DLG2: variants seen among roughly 807,000 people sequenced by gnomAD.
DLG2 encodes the protein disks large homolog 2.
A neutral mutation model predicts 132.5 loss-of-function variants in DLG2; 45 were observed. That is an observed-to-expected ratio of 0.34 (90% CI 0.27 to 0.44). DLG2 has a LOEUF of 0.44. Among genes scored for constraint, DLG2 ranks in the 20% least tolerant of loss-of-function variants. The pLI, the probability that DLG2 is intolerant of heterozygous loss-of-function variation, is 1.00. For synonymous variants in DLG2, 424 were observed against 419.6 expected (o/e 1.01, Z -0.13); for missense variants, 1,045 against 1,196.9 (o/e 0.87, Z 1.87).
intron 17 of DLG2, among the ~76,000 whole-genome samples, chr11:83,787,174 A>G (rs796491569): frequency 1.3e-5 from 2 of 152,092 alleles, no homozygotes; most frequent in African/African-American, 4.8e-5. Context: ...ATAGACAAAT[A>G]TATGCTAAAA....
At chr11:85,128,738 T>G (rs193002690) in intron 5 of DLG2, among the ~76,000 whole-genome samples, 106 of 152,322 alleles carry the variant, frequency 7.0e-4, no homozygotes, top group African/African-American at 2.5e-3. Context: ...ACTCAAAACA[T>G]ACGTAGGGAA....
At chr11:83,857,699 T>G (rs1317112216) in intron 16 of DLG2, among the ~76,000 whole-genome samples, 1 of 152,198 alleles carries the variant, frequency 6.6e-6, no homozygotes, top group Non-Finnish European at 1.5e-5. Context: ...TAATGATGTA[T>G]CAATGTAGCA....
chr11:85,020,903 C>A, intron 6 of DLG2: 1 of 769,024 alleles, frequency 1.3e-6, no homozygotes. Context: ...GTGCATCCCC[C>A]TCCTCAGCAG....
intron 7 of DLG2, among the ~76,000 whole-genome samples, chr11:84,252,140 C>CTTTTTTTTTTTTTTTTTTT (rs1176873990): frequency 7.7e-5 from 5 of 65,340 alleles, no homozygotes; most frequent in Admixed American, 2.1e-4. Flanking sequence ...TTCTTTCTTT[C>CTTTTTTTTTTTTTTTTTTT]TTTTTTTTTT....
intron 15 of DLG2, among the ~76,000 whole-genome samples, chr11:83,889,855 C>T (rs2069180045): frequency 6.7e-6 from 1 of 150,106 alleles, no homozygotes; most frequent in South Asian, 2.1e-4. Flanking sequence ...TAAACTATCG[C>T]AAGAACAAAA....
At chr11:85,506,790 T>G (rs185450927) in intron 3 of DLG2, among the ~76,000 whole-genome samples, 111 of 152,234 alleles carry the variant, frequency 7.3e-4, no homozygotes, top group African/African-American at 2.6e-3. Flanking sequence ...TTCTGTCTCG[T>G]TGATCTGTCT....
At chr11:84,383,180 C>T (rs945644266) in intron 7 of DLG2, among the ~76,000 whole-genome samples, 1 of 152,082 alleles carries the variant, frequency 6.6e-6, no homozygotes, top group Admixed American at 6.6e-5. Context: ...TACATTTCAG[C>T]AAAGCTGTTG....
intron 6 of DLG2, among the ~76,000 whole-genome samples, chr11:84,695,222 A>G (rs2058498120): frequency 6.6e-6 from 1 of 151,564 alleles, no homozygotes; most frequent in Non-Finnish European, 1.5e-5. Context: ...CTCATATTAC[A>G]GCAGAGAAAA....
intron 7 of DLG2, among the ~76,000 whole-genome samples, chr11:84,385,170 C>T (rs555289987): frequency 2.0e-5 from 3 of 152,060 alleles, no homozygotes; most frequent in South Asian, 2.1e-4. Context: ...TACAAATTCG[C>T]GAATCTAACA....
chr11:85,445,310 T>G (rs1279587271), intron 3 of DLG2, among the ~76,000 whole-genome samples: 6 of 152,086 alleles, frequency 3.9e-5, no homozygotes, highest in African/African-American at 1.2e-4. Flanking sequence ...GACTCTCCCA[T>G]CTCCTGGACA....
At chr11:84,640,566 G>A (rs1007596528) in intron 6 of DLG2, 24 of 283,074 alleles carry the variant, frequency 8.5e-5, no homozygotes, top group Non-Finnish European at 1.4e-4. Context: ...TGATGAATAA[G>A]GTCTAAGAGT....
At chr11:84,341,911 T>C (rs757574346) in intron 7 of DLG2, among the ~76,000 whole-genome samples, 19 of 152,250 alleles carry the variant, frequency 1.2e-4, no homozygotes, top group Non-Finnish European at 2.4e-4. Flanking sequence ...TAACATGCTG[T>C]AACTCTGAAG....
intron 6 of DLG2, among the ~76,000 whole-genome samples, chr11:84,784,814 T>C (rs1053112002): frequency 3.3e-5 from 5 of 151,994 alleles, no homozygotes; most frequent in Admixed American, 6.6e-5. Flanking sequence ...GTGGTGGCCG[T>C]TGGGGAGATG....
At chr11:83,981,939 A>T (rs1195734610) in intron 11 of DLG2, among the ~76,000 whole-genome samples, 1 of 152,202 alleles carries the variant, frequency 6.6e-6, no homozygotes, top group East Asian at 1.9e-4. Context: ...TTGATCAGTG[A>T]TAGAGTACAC....
chr11:83,796,438 TC>T (rs1214119392), intron 17 of DLG2, among the ~76,000 whole-genome samples: 4 of 152,238 alleles, frequency 2.6e-5, no homozygotes, highest in African/African-American at 7.2e-5. Flanking sequence ...AACACATTTT[TC>T]ACTTTTCCAG....
intron 6 of DLG2, among the ~76,000 whole-genome samples, chr11:84,833,308 C>A (rs1223839379): frequency 6.6e-6 from 1 of 151,592 alleles, no homozygotes; most frequent in African/African-American, 2.4e-5. Flanking sequence ...AATACCAGTT[C>A]AACGTCTCTC....
rs577690315 is a variant in DLG2 at position 83,455,670 on chromosome 11, G to A, written c.*4148C>T. 1 of 152,764 alleles carries A rather than the reference G, an allele frequency of 6.5e-6. No homozygotes were observed. The highest frequency in any genetic ancestry group is 1.9e-4 in the East Asian group (1 of 5,174). 9.5% of individuals were successfully genotyped at this position (152,764 alleles called of 1,614,324 possible). A position where few individuals can be genotyped will look rare whatever the true frequency, so the allele number is the denominator to read the frequency against. On this transcript the variant is annotated 3_prime_UTR_variant, in exon 28 of 28. Transcript: ENST00000376104. ...GAAGGATATTTACAGACTTGAGTGTGTGTGTGTGTTTCCAACCACAGTCAT... is the reference window on the plus strand; with the variant it reads ...GAAGGATATTTACAGACTTGAGTGTATGTGTGTGTTTCCAACCACAGTCAT...
chr11:84,885,023 C>G (rs1443676460), intron 6 of DLG2, among the ~76,000 whole-genome samples: 3 of 152,020 alleles, frequency 2.0e-5, no homozygotes, highest in African/African-American at 7.2e-5. Context: ...GCTTGAAGAT[C>G]CAGGATCACC....
At chr11:83,785,767 CA>C (rs1204099614) in intron 18 of DLG2, among the ~76,000 whole-genome samples, 1 of 152,208 alleles carries the variant, frequency 6.6e-6, no homozygotes, top group Non-Finnish European at 1.5e-5. Context: ...GCTAACAAAT[CA>C]TCACTTGAAA....
Sources: allele counts gnomAD v4.1 joint callset (sites outside exome capture counted in the v4.1 genomes callset), GRCh38; gene constraint gnomAD v4.1.1; transcripts MANE v1.5; gene names NCBI Gene and HGNC (gene_info 2026-07-23, HGNC 2026-07-21).